The following RBFOX1 variants were observed in gnomAD, a reference collection of about 807,000 sequenced individuals.
RBFOX1 encodes the protein RNA binding fox-1 homolog 1, also known as RNA binding protein fox-1 homolog 1.
In RBFOX1, 8 loss-of-function variants were observed where a neutral mutation model predicts 57.7. That is an observed-to-expected ratio of 0.14 (90% CI 0.08 to 0.25). The LOEUF (loss-of-function observed/expected upper bound fraction) is 0.25. Ranked by LOEUF, RBFOX1 falls within the 10% of genes least tolerant of loss-of-function variation. RBFOX1 has a pLI of 1.00. For synonymous variants in RBFOX1, 326 were observed against 222.4 expected (o/e 1.47, Z -4.15); for missense variants, 611 against 548.5 (o/e 1.11, Z -1.14).
intron 4 of RBFOX1, among the ~76,000 whole-genome samples, chr16:7,067,510 G>C (rs997642763): frequency 5.9e-5 from 9 of 151,322 alleles, no homozygotes; most frequent in African/African-American, 2.2e-4. Flanking sequence ...GTAGAACTGA[G>C]GTCCCTGTTT....
intron 3 of RBFOX1, among the ~76,000 whole-genome samples, chr16:5,652,810 C>A (rs1180927880): frequency 2.6e-5 from 4 of 152,370 alleles, no homozygotes; most frequent in African/African-American, 9.6e-5. Flanking sequence ...CTTTTCCCAG[C>A]TCAGCCACCT....
At chr16:5,641,851 G>T (rs553836529) in intron 3 of RBFOX1, among the ~76,000 whole-genome samples, 22 of 152,310 alleles carry the variant, frequency 1.4e-4, no homozygotes, top group Admixed American at 1.2e-3. Flanking sequence ...TCACAGAGCA[G>T]GGGCCATTTG....
chr16:5,926,024 G>A (rs1387221866), intron 4 of RBFOX1, among the ~76,000 whole-genome samples: 2 of 152,128 alleles, frequency 1.3e-5, no homozygotes, highest in East Asian at 1.9e-4. Flanking sequence ...ACCCCTCGAG[G>A]GTTCCCTTGC....
chr16:7,681,359 A>G (rs1264441431), intron 14 of RBFOX1, among the ~76,000 whole-genome samples: 1 of 152,146 alleles, frequency 6.6e-6, no homozygotes, highest in Non-Finnish European at 1.5e-5. Context: ...AATACAGAAA[A>G]TAGGACTAAA....
At chr16:5,326,575 A>G (rs1393357011) in intron 1 of RBFOX1, among the ~76,000 whole-genome samples, 1 of 152,188 alleles carries the variant, frequency 6.6e-6, no homozygotes, top group Non-Finnish European at 1.5e-5. Flanking sequence ...CTTCATTATC[A>G]CAGAACATGG....
chr16:5,976,779 G>A (rs1342617790), intron 4 of RBFOX1, among the ~76,000 whole-genome samples: 1 of 152,190 alleles, frequency 6.6e-6, no homozygotes, highest in African/African-American at 2.4e-5. Context: ...TTAGCCAGGA[G>A]AGTTGCTTGA....
chr16:6,056,907 C>G (rs1177520256), intron 1 of RBFOX1: 1 of 149,896 alleles, frequency 6.7e-6, no homozygotes, highest in Non-Finnish European at 1.5e-5. Flanking sequence ...AGACGGAGTG[C>G]AGATTAATAA....
rs531785440 is a variant in RBFOX1, at chr16:7,522,158, C to A, written c.270+3769C>A. 5.3e-5 allele frequency among the ~76,000 whole-genome samples: 8 copies of A among 152,242 alleles called. No homozygotes were observed. In the East Asian group the frequency reaches 1.5e-3, roughly 29 times the overall value. The stretch of plus-strand genomic sequence containing the variant: ...TTTCATCAGAGTTCATGATGAGATG[C>A]CTTCAGAATAAATCATTAAAGAAAC... On this transcript the variant is annotated intron_variant, in intron 5 of 15. Transcript: ENST00000550418.
At chr16:6,820,670 C>T (rs1333747927) in intron 3 of RBFOX1, among the ~76,000 whole-genome samples, 2 of 128,884 alleles carry the variant, frequency 1.6e-5, no homozygotes, top group African/African-American at 2.7e-5. Flanking sequence ...AAAAAAAAAA[C>T]AAGCAAAACA....
intron 2 of RBFOX1, among the ~76,000 whole-genome samples, chr16:6,608,571 T>C (rs1490299540): frequency 6.6e-6 from 1 of 152,146 alleles, no homozygotes; most frequent in African/African-American, 2.4e-5. Context: ...GGAGAATCGC[T>C]TGAGACCAGG....
At chr16:6,193,791 C>G (rs1003365018) in intron 1 of RBFOX1, among the ~76,000 whole-genome samples, 3 of 152,070 alleles carry the variant, frequency 2.0e-5, no homozygotes, top group African/African-American at 7.2e-5. Context: ...GGGTTTGTCA[C>G]TGCACATCCC....
At chr16:7,597,492 A>C in intron 9 of RBFOX1, 61 bp downstream of exon 9, 2 of 1,413,996 alleles carry the variant, frequency 1.4e-6, no homozygotes, top group Non-Finnish European at 2.0e-6. Context: ...TAAGTAATTT[A>C]ACCAGAGATT....
intron 3 of RBFOX1, among the ~76,000 whole-genome samples, chr16:6,957,451 C>T (rs190151756): frequency 4.3e-4 from 65 of 152,234 alleles, no homozygotes; most frequent in Non-Finnish European, 5.7e-4. Context: ...ATTATTCATG[C>T]CTCCGCTTGT....
intron 3 of RBFOX1, among the ~76,000 whole-genome samples, chr16:7,037,142 A>G (rs1219710047): frequency 6.8e-6 from 1 of 146,582 alleles, no homozygotes; most frequent in Non-Finnish European, 1.5e-5. Context: ...TACGACCTGT[A>G]TCTTGTCTTG....
chr16:7,024,705 C>T (rs1046622466), intron 3 of RBFOX1, among the ~76,000 whole-genome samples: 5 of 152,188 alleles, frequency 3.3e-5, no homozygotes, highest in Non-Finnish European at 7.3e-5. Context: ...GGCACAAATT[C>T]CTCAGCACTC....
intron 4 of RBFOX1, among the ~76,000 whole-genome samples, chr16:7,136,556 G>A (rs994153289): frequency 5.9e-5 from 9 of 151,934 alleles, no homozygotes; most frequent in South Asian, 2.1e-4. Context: ...ACAGGTGCAC[G>A]CCACCACACC....
chr16:5,956,145 G>A (rs530724235), intron 4 of RBFOX1, among the ~76,000 whole-genome samples: 50 of 152,110 alleles, frequency 3.3e-4, no homozygotes, highest in East Asian at 1.4e-3. Flanking sequence ...GTGTGGTGGC[G>A]CGCACCTGTA....
rs953080675 is a variant in RBFOX1, at chr16:7,400,538, C to T, written c.28-117609C>T. ...CCTCCTGGTCCCTTACAAATATATT[C>T]CTTTCCGGATTCTTCAAGAACACAG... On this transcript the variant is annotated intron_variant, in intron 4 of 15. Coordinates refer to ENST00000550418, the MANE Select transcript of RBFOX1 (RefSeq NM_018723.4). Among the ~76,000 whole-genome samples, 6 of 152,222 alleles carry T rather than the reference C, an allele frequency of 3.9e-5. No individual in the cohort carries two copies. The South Asian group carries it at 1.2e-3, about 32-fold the overall frequency.
chr16:5,394,046 C>T (rs997678179), intron 1 of RBFOX1, among the ~76,000 whole-genome samples: 1 of 151,918 alleles, frequency 6.6e-6, no homozygotes, highest in African/African-American at 2.4e-5. Context: ...TTTTCCGAGA[C>T]AGTGTCTTAC....
Sources: gnomAD v4.1 joint callset for allele counts (sites outside exome capture counted in the v4.1 genomes callset) on GRCh38, gnomAD v4.1.1 for gene constraint, MANE v1.5 for transcripts, NCBI Gene and HGNC (gene_info 2026-07-23, HGNC 2026-07-21) for gene names.